Variants in CLEC16A observed in about 807,000 individuals in gnomAD.
CLEC16A encodes protein CLEC16A.
A neutral mutation model predicts 109.5 loss-of-function variants in CLEC16A; 51 were observed. The observed-to-expected ratio is 0.47, with a 90% CI of 0.37 to 0.59. The LOEUF (loss-of-function observed/expected upper bound fraction) is 0.59. Ranked by LOEUF, CLEC16A falls within the 20% of genes least tolerant of loss-of-function variation. The pLI is 0.00. For missense variants in CLEC16A, 1,339 were observed against 1,394.0 expected, an observed-to-expected ratio of 0.96 and a Z score of 0.63; for synonymous variants, 673 against 564.2, an observed-to-expected ratio of 1.19 and a Z score of -2.73.
chr16:11,063,623 A>G (rs2048608663), intron 19 of CLEC16A, among the ~76,000 whole-genome samples: 1 of 152,144 alleles, frequency 6.6e-6, no homozygotes, highest in South Asian at 2.1e-4. Flanking sequence ...GTCACACTTC[A>G]GTAAGAAACA....
At chr16:11,170,829 G>A (rs2068479534) in intron 23 of CLEC16A, among the ~76,000 whole-genome samples, 1 of 152,242 alleles carries the variant, frequency 6.6e-6, no homozygotes, top group Non-Finnish European at 1.5e-5. Flanking sequence ...GCCACCCAGA[G>A]GCATGTGCAG....
intron 22 of CLEC16A, among the ~76,000 whole-genome samples, chr16:11,158,596 C>G (rs1320471797): frequency 6.6e-6 from 1 of 152,120 alleles, no homozygotes; most frequent in African/African-American, 2.4e-5. Context: ...GTCAAGGAGG[C>G]CCCAAGGTAT....
intron 10 of CLEC16A, among the ~76,000 whole-genome samples, chr16:10,989,324 G>A (rs372182802): frequency 7.2e-5 from 11 of 151,984 alleles, no homozygotes; most frequent in East Asian, 1.9e-4. Context: ...CAGGTCAAAC[G>A]ATCCTCCCAC....
intron 22 of CLEC16A, among the ~76,000 whole-genome samples, chr16:11,137,666 G>A (rs970984665): frequency 2.0e-5 from 3 of 151,186 alleles, no homozygotes; most frequent in Admixed American, 6.6e-5. Context: ...AAAAGTAGCC[G>A]GGCGTGGTGG....
chr16:11,028,844 G>A (rs2046577162), intron 13 of CLEC16A, among the ~76,000 whole-genome samples: 2 of 152,132 alleles, frequency 1.3e-5, no homozygotes, highest in African/African-American at 4.8e-5. Context: ...TGTAAGCACT[G>A]CTTTACCTGC....
chr16:11,161,637 G>A (rs1266255381), intron 22 of CLEC16A, among the ~76,000 whole-genome samples: 1 of 152,194 alleles, frequency 6.6e-6, no homozygotes, highest in Non-Finnish European at 1.5e-5. Flanking sequence ...AACAATCTAG[G>A]CATAAAGAGC....
chr16:11,077,814 C>G (rs2049466125), intron 19 of CLEC16A, among the ~76,000 whole-genome samples: 1 of 151,994 alleles, frequency 6.6e-6, no homozygotes, highest in Admixed American at 6.6e-5. Context: ...TACTTCTAAA[C>G]TTTTAAGAAA....
intron 18 of CLEC16A, among the ~76,000 whole-genome samples, chr16:11,054,062 G>A (rs2048085855): frequency 6.6e-6 from 1 of 152,258 alleles, no homozygotes; most frequent in Non-Finnish European, 1.5e-5. Context: ...CACCAACACG[G>A]CAGTGATTGC....
intron 22 of CLEC16A, among the ~76,000 whole-genome samples, chr16:11,161,865 C>G (rs1017313309): frequency 1.3e-5 from 2 of 152,210 alleles, no homozygotes; most frequent in African/African-American, 4.8e-5. Flanking sequence ...CATAAATAAG[C>G]AAAGCGAAAC....
At chr16:11,097,285 T>G (rs947786040) in intron 19 of CLEC16A, among the ~76,000 whole-genome samples, 4 of 152,180 alleles carry the variant, frequency 2.6e-5, no homozygotes, top group Admixed American at 6.5e-5. Context: ...TGATGAAAAT[T>G]CACAACTGTG....
chr16:11,043,970 C>G (rs1038881302), intron 15 of CLEC16A, 58 bp from the exon 16 acceptor site: 50 of 1,425,116 alleles, frequency 3.5e-5, no homozygotes, highest in Admixed American at 8.4e-5. Flanking sequence ...CGTAGTTTGC[C>G]CGACTTGCTC....
chr16:11,119,459 G>T (rs2052241757), intron 19 of CLEC16A, among the ~76,000 whole-genome samples: 1 of 152,070 alleles, frequency 6.6e-6, no homozygotes, highest in Non-Finnish European at 1.5e-5. Context: ...CATGATCATG[G>T]CTCATTGCAG....
chr16:10,980,317 G>A (rs1367472646), intron 9 of CLEC16A, among the ~76,000 whole-genome samples: 2 of 152,112 alleles, frequency 1.3e-5, no homozygotes, highest in Non-Finnish European at 2.9e-5. Flanking sequence ...AGCTCTGCAC[G>A]AGGCCAAGTT....
At chr16:11,164,552 A>G (rs970821571) in intron 22 of CLEC16A, among the ~76,000 whole-genome samples, 1 of 152,204 alleles carries the variant, frequency 6.6e-6, no homozygotes, top group East Asian at 1.9e-4. Context: ...GTTAAATCCC[A>G]GGCTTCCCTG....
At chr16:10,978,688 G>A (rs532082267) in intron 8 of CLEC16A, among the ~76,000 whole-genome samples, 5 of 152,288 alleles carry the variant, frequency 3.3e-5, no homozygotes, top group Admixed American at 6.5e-5. Flanking sequence ...GACTATAAAG[G>A]TGAATAAGCG....
In CLEC16A at chr16:11,178,860, T is replaced by C; in HGVS notation, c.*170T>C. ...ATGGGAAGAAGCCCCACGTTGTCCT[T>C]GAATTCCTTTTTCACTTTGCATCTC... On this transcript the variant is annotated 3_prime_UTR_variant, in exon 24 of 24. Transcript: ENST00000409790. This position sits in a 1 kb window ranked among gnomAD's most constrained non-coding sequence, Gnocchi z 6.5. The C allele has an allele frequency of 1.8e-6, 1 of 559,964 alleles. No homozygotes were observed. The highest frequency in any genetic ancestry group is 3.1e-6 in the Non-Finnish European group (1 of 323,446). The allele number at this position is 559,964 out of a possible 1,614,324, so 34.7% of individuals were successfully genotyped here.
intron 22 of CLEC16A, among the ~76,000 whole-genome samples, chr16:11,145,702 G>A (rs991251308): frequency 6.6e-6 from 1 of 152,284 alleles, no homozygotes; most frequent in Admixed American, 6.5e-5. Context: ...GGCCCGCAGG[G>A]CATTGTGTGC....
At chr16:11,125,446 GTA>G (rs924390126) in intron 21 of CLEC16A, among the ~76,000 whole-genome samples, 16 of 152,174 alleles carry the variant, frequency 1.1e-4, no homozygotes, top group African/African-American at 3.9e-4. Flanking sequence ...AAGCCCCTCC[GTA>G]TGGATATATT....
At chr16:11,083,139 GTTGTTGTTGTTGT>G (rs1201422755) in intron 19 of CLEC16A, among the ~76,000 whole-genome samples, 2 of 131,588 alleles carry the variant, frequency 1.5e-5, no homozygotes, top group African/African-American at 3.3e-5. Flanking sequence ...TTGTTTTGTT[GTTGTTGTTGTTGT>G]TTGTTTGTTT....
Sources: allele counts gnomAD v4.1 joint callset (sites outside exome capture counted in the v4.1 genomes callset), GRCh38; gene constraint gnomAD v4.1.1; non-coding constraint Gnocchi (gnomAD v3.1); transcripts MANE v1.5; gene names NCBI Gene and HGNC (gene_info 2026-07-23, HGNC 2026-07-21).